TMEM185A: variants seen among roughly 807,000 people sequenced by gnomAD.
TMEM185A encodes transmembrane protein 185A, also known as family with sequence similarity 11, member A.
TMEM185A carries 9 observed loss-of-function variants against 25.0 expected under a neutral mutation model. The ratio of observed to expected loss-of-function variants is 0.36; its 90% CI spans 0.22 to 0.63. The LOEUF is 0.63. Among genes scored for constraint, TMEM185A ranks in the 20% least tolerant of loss-of-function variants. TMEM185A has a pLI of 0.68. For synonymous variants in TMEM185A, 45 were observed against 93.5 expected, an observed-to-expected ratio of 0.48 and a Z score of 2.99; for missense variants, 103 against 237.4, an observed-to-expected ratio of 0.43 and a Z score of 3.72.
intron 1 of TMEM185A, among the ~76,000 whole-genome samples, chrX:149,612,546 A>G (rs2090089487): frequency 8.9e-6 from 1 of 112,746 alleles, no homozygotes; most frequent in Non-Finnish European, 1.9e-5. Context: ...TGGAATGACT[A>G]TATTAATATC....
chrX:149,609,320 C>T (rs1602864722), intron 2 of TMEM185A, among the ~76,000 whole-genome samples: 1 of 112,695 alleles, frequency 8.9e-6, no homozygotes, highest in South Asian at 3.7e-4. Flanking sequence ...GTTCTATGAA[C>T]AAGTGCCAGT....
intron 1 of TMEM185A, among the ~76,000 whole-genome samples, chrX:149,618,670 A>G (rs1186089726): frequency 8.9e-6 from 1 of 111,810 alleles, no homozygotes; most frequent in African/African-American, 3.2e-5. Flanking sequence ...GGTTATCCCT[A>G]TTGGTATTTA....
chrX:149,627,087 T>C (rs2090167427), intron 1 of TMEM185A, among the ~76,000 whole-genome samples: 1 of 111,454 alleles, frequency 9.0e-6, no homozygotes, highest in Non-Finnish European at 1.9e-5. Flanking sequence ...ACAGACACTT[T>C]ACGGGTGTCG....
chrX:149,619,252 C>CA (rs782621820), intron 1 of TMEM185A, among the ~76,000 whole-genome samples: 65 of 111,027 alleles, frequency 5.9e-4, no homozygotes, highest in African/African-American at 2.0e-3. Context: ...TATACAATAG[C>CA]AAAAAAAATC....
At chrX:149,614,262 T>C (rs1404527599) in intron 1 of TMEM185A, among the ~76,000 whole-genome samples, 12 of 111,625 alleles carry the variant, frequency 1.1e-4, no homozygotes, top group African/African-American at 3.6e-4. Flanking sequence ...AAATCAACAA[T>C]AGAAAAATAT....
chrX:149,631,556 C>T lies in TMEM185A; in HGVS notation c.25G>A (p.Asp9Asn), dbSNP rs1557356651. Residue 9 changes from aspartate to asparagine, a missense_variant, in exon 1 of 7, where the codon GAC (aspartate) becomes AAC (asparagine). Physicochemically the swap from Asp to Asn is conservative, Grantham distance 23. Transcript: ENST00000600449. MNLRGLFQ[D>N]FNPSKFLIYA... ...ACGCCGCCTCACCTCGGGTTGAAGT[C>T]CTGGAAGAGGCCCCTCAGGTTCATG... 8.5e-7 allele frequency: 1 copy of T among 1,172,179 alleles called. No homozygotes were observed. Among genetic ancestry groups the T allele is most frequent in the Non-Finnish European group, 1.1e-6 (1 of 875,482 alleles).
intron 1 of TMEM185A, among the ~76,000 whole-genome samples, chrX:149,620,090 G>T (rs1557355416): frequency 9.0e-6 from 1 of 111,354 alleles, no homozygotes; most frequent in African/African-American, 3.3e-5. Flanking sequence ...GATTCCTCAG[G>T]GATCTAGAAC....
chrX:149,623,408 T>C (rs1319802146), intron 1 of TMEM185A, among the ~76,000 whole-genome samples: 1 of 111,815 alleles, frequency 8.9e-6, no homozygotes, highest in East Asian at 2.8e-4. Flanking sequence ...GTGTGTAAGG[T>C]AGATTGTAAT....
chrX:149,604,314 G>C (rs1283126179), intron 3 of TMEM185A, among the ~76,000 whole-genome samples: 1 of 105,716 alleles, frequency 9.5e-6, no homozygotes, highest in African/African-American at 3.6e-5. Context: ...CCTGAGGCCT[G>C]AGCACAGATG....
At chrX:149,628,565 CA>C (rs1346737524) in intron 1 of TMEM185A, among the ~76,000 whole-genome samples, 1 of 112,145 alleles carries the variant, frequency 8.9e-6, no homozygotes, top group Non-Finnish European at 1.9e-5. Context: ...ACTTGTGAAT[CA>C]TTCTCTGTCA....
At position 149,631,660 on chromosome X, in the gene TMEM185A, A is replaced by G; in HGVS notation, c.-80T>C. The G allele has an allele frequency of 1.0e-6, 1 of 981,850 alleles. No homozygotes were observed. The highest frequency in any genetic ancestry group is 2.7e-5 in the South Asian group (1 of 37,542). The allele number at this position is 981,850 out of a possible 1,213,427, so 80.9% of individuals were successfully genotyped here. A position where few individuals can be genotyped will look rare whatever the true frequency, so the allele number is the denominator to read the frequency against. ...ACAGCCTGCGCCTTACAGCGGGTTC[A>G]TGGCGCCAGCGCCAGCCGCGTCCAC... is the stretch of plus-strand genomic sequence containing the variant. On this transcript the variant is annotated 5_prime_UTR_variant, in exon 1 of 7. The change abolishes an upstream ATG in the 5' untranslated region. Transcript: ENST00000600449.
At chrX:149,626,900 C>T (rs1557356091) in intron 1 of TMEM185A, among the ~76,000 whole-genome samples, 2 of 112,341 alleles carry the variant, frequency 1.8e-5, no homozygotes, top group South Asian at 3.7e-4. Context: ...AGCAGTATTG[C>T]TGCCAGCATA....
In TMEM185A at chrX:149,631,703, T is replaced by TGCTGCCGTCCCC. The variant is rs1379189402; in HGVS notation, c.-135_-124dup. 2.8e-6 allele frequency: 2 copies of TGCTGCCGTCCCC among 706,365 alleles called. No individual in the cohort carries two copies. Among genetic ancestry groups the TGCTGCCGTCCCC allele is most frequent in the African/African-American group, 2.3e-5 (1 of 44,000 alleles). The allele number at this position is 706,365 out of a possible 1,213,427, so 58.2% of individuals were successfully genotyped here. Reference sequence around the variant, plus strand: ...GCGTCCACGCTGCTGCTCCCGCTACTGCTGCCGTCCCCGCTGCCGTCGCCG... The same window carrying TGCTGCCGTCCCC: ...GCGTCCACGCTGCTGCTCCCGCTACTGCTGCCGTCCCCGCTGCCGTCCCCGCTGCCGTCGCCG... On this transcript the variant is annotated 5_prime_UTR_variant, in exon 1 of 7. Transcript: ENST00000600449.
chrX:149,631,729 T>C lies in TMEM185A; in HGVS notation c.-149A>G, dbSNP rs797023799. The C allele has an allele frequency of 1.2e-4, 51 of 438,588 alleles. No homozygotes were observed. The highest frequency in any genetic ancestry group is 6.4e-4 in the East Asian group (10 of 15,748). 36.1% of individuals were successfully genotyped at this position (438,588 alleles called of 1,213,427 possible). ...GCTGCCGTCCCCGCTGCCGTCGCCGTCGCCGTCGCCGCCGCCGCCGCCGCC... is the reference window on the plus strand; with the variant it reads ...GCTGCCGTCCCCGCTGCCGTCGCCGCCGCCGTCGCCGCCGCCGCCGCCGCC... On this transcript the variant is annotated 5_prime_UTR_variant, in exon 1 of 7. Transcript: ENST00000600449.
At chrX:149,610,628 C>T (rs1368602241) in intron 2 of TMEM185A, among the ~76,000 whole-genome samples, 1 of 110,217 alleles carries the variant, frequency 9.1e-6, no homozygotes, top group South Asian at 3.9e-4. Flanking sequence ...AAGACTCTCG[C>T]AGGTCCCAGC....
At chrX:149,607,876 G>A (rs2090060607) in intron 3 of TMEM185A, among the ~76,000 whole-genome samples, 1 of 111,488 alleles carries the variant, frequency 9.0e-6, no homozygotes, top group Admixed American at 9.5e-5. Context: ...TTGAATAAAG[G>A]AGACTACCCT....
chrX:149,628,817 G>A (rs1557356316), intron 1 of TMEM185A, among the ~76,000 whole-genome samples: 1 of 112,407 alleles, frequency 8.9e-6, no homozygotes, highest in Non-Finnish European at 1.9e-5. Context: ...AAGAGTGTGA[G>A]AAGAAAGAGA....
chrX:149,631,470 C>A, intron 1 of TMEM185A, 73 bp downstream of exon 1: 1 of 1,103,351 alleles, frequency 9.1e-7, no homozygotes, highest in Non-Finnish European at 1.2e-6. Flanking sequence ...GCCGTGCCTC[C>A]CCGGAGCCGA....
At chrX:149,610,807 C>T (rs2090079231) in intron 2 of TMEM185A, among the ~76,000 whole-genome samples, 1 of 111,840 alleles carries the variant, frequency 8.9e-6, no homozygotes, top group South Asian at 3.8e-4. Context: ...TTCCTCATTC[C>T]CCAGCTGCTG....
Sources: allele counts gnomAD v4.1 joint callset (sites outside exome capture counted in the v4.1 genomes callset), GRCh38; gene constraint gnomAD v4.1.1; transcripts MANE v1.5; gene names NCBI Gene and HGNC (gene_info 2026-07-23, HGNC 2026-07-21).